The following MYLK4 variants were observed in gnomAD, a reference collection of about 807,000 sequenced individuals.
The protein encoded by MYLK4 is caMLCK like.
A neutral mutation model predicts 48.1 loss-of-function variants in MYLK4; 46 were observed. The ratio of observed to expected loss-of-function variants is 0.96; its 90% CI spans 0.75 to 1.22. The LOEUF (loss-of-function observed/expected upper bound fraction) is 1.22. MYLK4 is among the 50% of genes most tolerant of loss of function. MYLK4 has a pLI of 0.00. For synonymous variants in MYLK4, 170 were observed against 180.8 expected, an observed-to-expected ratio of 0.94 and a Z score of 0.48; for missense variants, 451 against 486.1, an observed-to-expected ratio of 0.93 and a Z score of 0.68.
chr6:2,700,189 G>A (rs767569328), intron 2 of MYLK4, among the ~76,000 whole-genome samples: 1 of 151,760 alleles, frequency 6.6e-6, no homozygotes, highest in Non-Finnish European at 1.5e-5. Flanking sequence ...TCTCAAACTC[G>A]CATTGCTCAC....
At chr6:2,671,485 C>A (rs1582021770) in intron 11 of MYLK4, 137 bp from the exon 12 acceptor site, 3 of 742,028 alleles carry the variant, frequency 4.0e-6, no homozygotes, top group East Asian at 5.4e-5. Context: ...AGCCTACATT[C>A]CCGACAACCC....
At chr6:2,767,966 G>A in the MYLK4 span, among the ~76,000 whole-genome samples, 1 of 152,200 alleles carries the variant, frequency 6.6e-6, no homozygotes, top group Admixed American at 6.5e-5. Flanking sequence ...TTTAGGTGCA[G>A]ATTTGTCACA....
At chr6:2,710,881 A>G (rs939279229) in intron 2 of MYLK4, among the ~76,000 whole-genome samples, 2 of 152,242 alleles carry the variant, frequency 1.3e-5, no homozygotes, top group Non-Finnish European at 2.9e-5. Flanking sequence ...AGCTTATACT[A>G]TCACCAATAA....
chr6:2,729,578 G>T (rs1035217048), intron 2 of MYLK4, among the ~76,000 whole-genome samples: 2 of 152,076 alleles, frequency 1.3e-5, no homozygotes, highest in Non-Finnish European at 2.9e-5. Context: ...CCTGCCTGCC[G>T]CAGGGGGCCA....
At chr6:2,765,167 C>G in the MYLK4 span, among the ~76,000 whole-genome samples, 1 of 150,110 alleles carries the variant, frequency 6.7e-6, no homozygotes, top group African/African-American at 2.4e-5. Context: ...GCACGCGCAC[C>G]ACGCTCGCCT....
intron 2 of MYLK4, among the ~76,000 whole-genome samples, chr6:2,699,843 C>G (rs1762223770): frequency 6.6e-6 from 1 of 152,190 alleles, no homozygotes; most frequent in Non-Finnish European, 1.5e-5. Flanking sequence ...TGGCCAACCC[C>G]TAACATCTAC....
the MYLK4 span, chr6:2,768,830 G>A: frequency 6.2e-7 from 1 of 1,613,564 alleles, no homozygotes; most frequent in South Asian, 1.1e-5. Context: ...TTTTTCAAAA[G>A]GAAAACCATC....
the MYLK4 span, among the ~76,000 whole-genome samples, chr6:2,764,729 A>G: frequency 6.6e-6 from 1 of 152,184 alleles, no homozygotes; most frequent in Admixed American, 6.5e-5. Context: ...TGCCACTATT[A>G]CACAGCGGCC....
At chr6:2,686,102 A>G (rs918604796) in intron 4 of MYLK4, among the ~76,000 whole-genome samples, 5 of 151,830 alleles carry the variant, frequency 3.3e-5, no homozygotes, top group Admixed American at 1.3e-4. Context: ...AAGAAAGAAA[A>G]AAAAAAAGAA....
the MYLK4 span, among the ~76,000 whole-genome samples, chr6:2,759,243 C>G: frequency 6.6e-6 from 1 of 152,252 alleles, no homozygotes; most frequent in South Asian, 2.1e-4. Context: ...GTGAGGACCA[C>G]TGGTGCACAA....
intron 2 of MYLK4, among the ~76,000 whole-genome samples, chr6:2,747,347 CT>C (rs956049413): frequency 2.6e-5 from 4 of 151,214 alleles, no homozygotes; most frequent in Admixed American, 6.6e-5. Context: ...CTATCGCACT[CT>C]TTTTTTTTAT....
At chr6:2,676,887 G>A (rs1023441007) in intron 10 of MYLK4, among the ~76,000 whole-genome samples, 5 of 152,196 alleles carry the variant, frequency 3.3e-5, no homozygotes, top group Admixed American at 1.3e-4. Flanking sequence ...TGTAAAACAG[G>A]TTCACAGTAA....
rs560530058 is a variant in MYLK4, at chr6:2,671,492, A to AC, written c.1120-145dup. 100 of 709,190 alleles carry AC rather than the reference A, an allele frequency of 1.4e-4. No homozygotes were observed. In the Admixed American group the frequency reaches 2.5e-3, roughly 17 times the overall value. 43.9% of individuals were successfully genotyped at this position (709,190 alleles called of 1,614,324 possible). A position where few individuals can be genotyped will look rare whatever the true frequency, so the allele number is the denominator to read the frequency against. Reference sequence around the variant, plus strand: ...GTTCTTGAAGCCTACATTCCCGACAACCCCCTGGCAGACACACCGGCCAAC... The same window carrying AC: ...GTTCTTGAAGCCTACATTCCCGACAACCCCCCTGGCAGACACACCGGCCAAC... On this transcript the variant is annotated intron_variant, in intron 11 of 12. Coordinates refer to ENST00000274643, the MANE Select transcript of MYLK4 (RefSeq NM_001012418.5).
At chr6:2,689,094 C>T (rs564006937) in intron 3 of MYLK4, 138 bp from the exon 4 acceptor site, 45 of 659,470 alleles carry the variant, frequency 6.8e-5, no homozygotes, top group Non-Finnish European at 1.1e-4. Flanking sequence ...CCTAATGATC[C>T]AGGGATATAG....
chr6:2,766,020 G>T, the MYLK4 span: 2 of 1,325,752 alleles, frequency 1.5e-6, no homozygotes, highest in Non-Finnish European at 1.9e-6. Context: ...CGCTCCAGCA[G>T]CCCCGGGAGG....
intron 2 of MYLK4, among the ~76,000 whole-genome samples, chr6:2,703,617 C>T (rs1762379212): frequency 6.6e-6 from 1 of 151,442 alleles, no homozygotes; most frequent in Non-Finnish European, 1.5e-5. Flanking sequence ...GGTAGAACTC[C>T]TACCCATTAT....
At chr6:2,740,166 T>G (rs1180744367) in intron 2 of MYLK4, among the ~76,000 whole-genome samples, 1 of 152,224 alleles carries the variant, frequency 6.6e-6, no homozygotes, top group Non-Finnish European at 1.5e-5. Flanking sequence ...GGGTCTCCAC[T>G]GTAAAGTGGA....
At chr6:2,720,811 G>T (rs1582093561) in intron 2 of MYLK4, among the ~76,000 whole-genome samples, 3 of 152,022 alleles carry the variant, frequency 2.0e-5, no homozygotes, top group African/African-American at 7.3e-5. Flanking sequence ...GAAACGTAAA[G>T]GACTAGACTA....
intron 10 of MYLK4, among the ~76,000 whole-genome samples, 171 bp from the exon 11 acceptor site, chr6:2,675,296 C>T (rs1447155126): frequency 6.6e-6 from 1 of 152,176 alleles, no homozygotes; most frequent in Non-Finnish European, 1.5e-5. Context: ...GCATAGGTGA[C>T]TATCGAATCC....
Sources: gnomAD v4.1 joint callset for allele counts (sites outside exome capture counted in the v4.1 genomes callset) on GRCh38, gnomAD v4.1.1 for gene constraint, MANE v1.5 for transcripts, NCBI Gene and HGNC (gene_info 2026-07-23, HGNC 2026-07-21) for gene names.